The following SGO2 variants were observed in gnomAD, a reference collection of about 807,000 sequenced individuals.
SGO2 encodes shugoshin-like 2.
A neutral mutation model predicts 99.5 loss-of-function variants in SGO2; 68 were observed. That is an observed-to-expected ratio of 0.68 (90% CI 0.56 to 0.84). SGO2 has a LOEUF of 0.84. SGO2 is among the 40% of genes least tolerant of loss of function. The pLI is 0.00. For missense variants in SGO2, 1,350 were observed against 1,436.7 expected, an observed-to-expected ratio of 0.94 and a Z score of 0.97; for synonymous variants, 457 against 487.1, an observed-to-expected ratio of 0.94 and a Z score of 0.81.
intron 7 of SGO2, 42 bp from the exon 8 acceptor site, chr2:200,575,269 A>G (rs747016571): frequency 5.3e-6 from 7 of 1,331,416 alleles, no homozygotes; most frequent in Non-Finnish European, 7.2e-6. Flanking sequence ...GTATCTCTAT[A>G]TACTTTTTAA....
In SGO2 at chr2:200,570,184, A is replaced by C; in HGVS notation, c.703+292A>C. 1 of 364,386 alleles carries C rather than the reference A, an allele frequency of 2.7e-6. No individual in the cohort carries two copies. Among genetic ancestry groups the C allele is most frequent in the South Asian group, 1.2e-4 (1 of 8,632 alleles). 22.6% of individuals were successfully genotyped at this position (364,386 alleles called of 1,614,324 possible). A position where few individuals can be genotyped will look rare whatever the true frequency, so the allele number is the denominator to read the frequency against. ...TAGCTTATGATTTGAAAGATACCAT[A>C]TATTTACTTAGTTTTACCCTCTTTT... On this transcript the variant is annotated intron_variant, in intron 6 of 8. Coordinates refer to ENST00000357799, the MANE Select transcript of SGO2 (RefSeq NM_152524.6). The surrounding 1 kb of genome is among the most constrained non-coding windows in gnomAD (Gnocchi z 4.4).
chr2:200,541,321 A>G lies in SGO2; in HGVS notation c.388-1258A>G, dbSNP rs970451979. Reference sequence around the variant, plus strand: ...AATGGTCCTCTGCTTTGATCGTCCCAGGGTCAGGTACTAGGCAACCAGGGA... The same window carrying G: ...AATGGTCCTCTGCTTTGATCGTCCCGGGGTCAGGTACTAGGCAACCAGGGA... On this transcript the variant is annotated intron_variant, in intron 4 of 8. Transcript: ENST00000357799. Among the ~76,000 whole-genome samples the G allele has an allele frequency of 3.5e-4, 54 of 152,184 alleles. 1 individual carries two copies. Among genetic ancestry groups the G allele is most frequent in the African/African-American group, 1.2e-3 (48 of 41,446 alleles).
intron 4 of SGO2, among the ~76,000 whole-genome samples, chr2:200,541,458 G>A (rs778303400): frequency 6.6e-6 from 1 of 152,106 alleles, no homozygotes; most frequent in East Asian, 1.9e-4. Context: ...AATAGGCTCT[G>A]GCCTAAACCT....
rs1394231697 is a variant in SGO2 at position 200,563,400 on chromosome 2, G to A, written c.474-6263G>A. Among the ~76,000 whole-genome samples, 5 of 152,294 alleles carry A rather than the reference G, an allele frequency of 3.3e-5. No individual in the cohort carries two copies. In the East Asian group the frequency reaches 9.6e-4, roughly 29 times the overall value. ...TGTTGAACCAGCCTTGTATCCCAGG[G>A]ATGAAGCCAACTTGATCATGGTGGA... On this transcript the variant is annotated intron_variant, in intron 5 of 8. Coordinates refer to ENST00000357799, the MANE Select transcript of SGO2 (RefSeq NM_152524.6).
chr2:200,575,381 G>C lies in SGO2; in HGVS notation c.3702G>C (p.Lys1234Asn). ...VSNNTAESEN[K>N]SEDLSSERTS... ...ATAACACTGCTGAATCTGAAAATAAGTCAGAAGATCTATCTTCAGAACGGA... is the reference window on the plus strand; with the variant it reads ...ATAACACTGCTGAATCTGAAAATAACTCAGAAGATCTATCTTCAGAACGGA... The change falls in exon 8 of 9, where the codon AAG (lysine) becomes AAC (asparagine). Residue 1234 changes from lysine (K) to asparagine (N), a missense_variant. Coordinates refer to ENST00000357799, the MANE Select transcript of SGO2 (RefSeq NM_152524.6). 1 of 1,606,426 alleles carries C rather than the reference G, an allele frequency of 6.2e-7. No individual in the cohort carries two copies. The highest frequency in any genetic ancestry group is 8.5e-7 in the Non-Finnish European group (1 of 1,174,736).
chr2:200,554,612 T>C (rs2106326717), intron 5 of SGO2, among the ~76,000 whole-genome samples: 1 of 152,298 alleles, frequency 6.6e-6, no homozygotes, highest in East Asian at 1.9e-4. Context: ...CAATTTTACA[T>C]AACAGTTATA....
intron 5 of SGO2, among the ~76,000 whole-genome samples, chr2:200,545,039 C>T (rs1407729788): frequency 6.6e-6 from 1 of 152,136 alleles, no homozygotes; most frequent in African/African-American, 2.4e-5. Context: ...CAAGGTCTCA[C>T]TTTGTCACCC....
chr2:200,573,160 A>G lies in SGO2; in HGVS notation c.2814A>G (p.Thr938=), dbSNP rs1198576503. The change falls in exon 7 of 9, where the codon ACA becomes ACG. Residue 938 remains threonine, a synonymous_variant. Transcript: ENST00000357799. Reference sequence around the variant, plus strand: ...ATGCACATGTCCAAGAAAGCTATACAAAAGATCTTGATTTTAAAGTAAATA... The same window carrying G: ...ATGCACATGTCCAAGAAAGCTATACGAAAGATCTTGATTTTAAAGTAAATA... ...DKDAHVQESY[T]KDLDFKVNKS... 2 of 1,586,766 alleles carry G rather than the reference A, an allele frequency of 1.3e-6. No homozygotes were observed. Among genetic ancestry groups the G allele is most frequent in the Admixed American group, 3.8e-5 (2 of 52,064 alleles).
Position 200,571,436 on chromosome 2 carries a change from G to T in SGO2, c.1090G>T (p.Asp364Tyr), listed in dbSNP as rs755694136. The T allele has an allele frequency of 3.1e-6, 5 of 1,610,926 alleles. No homozygotes were observed. In the South Asian group the frequency reaches 3.3e-5, roughly 11 times the overall value. The change falls in exon 7 of 9, where the codon GAC (aspartate) becomes TAC (tyrosine). Residue 364 changes from aspartate (D) to tyrosine (Y), a missense_variant. Physicochemically the swap from Asp to Tyr is radical, Grantham distance 160. Transcript: ENST00000357799. Reference protein sequence around the residue: ...FQLQKTVYDADMDLTASEVSK... With the variant: ...FQLQKTVYDAYMDLTASEVSK... ...ATTGCAGAAAACTGTGTATGATGCT[G>T]ACATGGATTTAACTGCTAGTGAAGT...
Position 200,570,400 on chromosome 2 carries a change from G to GC in SGO2, c.703+510dup, listed in dbSNP as rs1290146916. ...GGTGTAGTCTGGTGCTTACAGATTTGCCATAGATTTTCAGACTGGGATATG... is the reference window on the plus strand; with the variant it reads ...GGTGTAGTCTGGTGCTTACAGATTTGCCCATAGATTTTCAGACTGGGATATG... On this transcript the variant is annotated intron_variant, in intron 6 of 8. Coordinates refer to ENST00000357799, the MANE Select transcript of SGO2 (RefSeq NM_152524.6). This position sits in a 1 kb window ranked among gnomAD's most constrained non-coding sequence, Gnocchi z 4.4. 2.6e-5 allele frequency among the ~76,000 whole-genome samples: 4 copies of GC among 151,058 alleles called. No individual in the cohort carries two copies. The highest frequency in any genetic ancestry group is 5.9e-5 in the Non-Finnish European group (4 of 67,698).
At position 200,532,981 on chromosome 2, in the gene SGO2, G is replaced by A. The variant is rs1388893343; in HGVS notation, c.6G>A (p.Glu2=). 7 of 1,607,298 alleles carry A rather than the reference G, an allele frequency of 4.4e-6. No homozygotes were observed. The highest frequency in any genetic ancestry group is 5.9e-6 in the Non-Finnish European group (7 of 1,178,172). The change falls in exon 2 of 9, where the codon GAG becomes GAA. Residue 2 remains glutamate (E), a synonymous_variant. Transcript: ENST00000357799. M[E]CPVMETGSLF... Reference sequence around the variant, plus strand: ...TTTTTTCTTTCACTTCAGTGATGGAGTGCCCAGTGATGGAAACTGGCTCAC... The same window carrying A: ...TTTTTTCTTTCACTTCAGTGATGGAATGCCCAGTGATGGAAACTGGCTCAC...
chr2:200,567,109 T>C (rs1162090192), intron 5 of SGO2, among the ~76,000 whole-genome samples: 1 of 152,194 alleles, frequency 6.6e-6, no homozygotes, highest in Admixed American at 6.5e-5. Flanking sequence ...CCCACTGAGA[T>C]GAACCTGGTA....
intron 5 of SGO2, among the ~76,000 whole-genome samples, chr2:200,564,754 T>C (rs1318395814): frequency 6.6e-6 from 1 of 152,124 alleles, no homozygotes; most frequent in South Asian, 2.1e-4. Context: ...CCTGTATTGG[T>C]TGCATATATA....
chr2:200,533,631 A>G (rs1461763525), intron 2 of SGO2, among the ~76,000 whole-genome samples: 1 of 151,582 alleles, frequency 6.6e-6, no homozygotes, highest in Non-Finnish European at 1.5e-5. Context: ...GAGTTAAGGC[A>G]TCAGAAGGGC....
At position 200,583,430 on chromosome 2, in the gene SGO2, CT is replaced by C; in HGVS notation, c.3783-12del. On this transcript the variant is annotated intron_variant, in intron 8 of 8. Transcript: ENST00000357799. Reference sequence around the variant, plus strand: ...TAATTTTGGGTTGTTATTAATCTTCCTTTTTTTCTACTTTGCAGCAAGATGA... The same window carrying C: ...TAATTTTGGGTTGTTATTAATCTTCCTTTTTTCTACTTTGCAGCAAGATGA... 18 of 1,573,968 alleles carry C rather than the reference CT, an allele frequency of 1.1e-5. No homozygotes were observed. The highest frequency in any genetic ancestry group is 3.7e-5 in the South Asian group (3 of 80,612).
intron 5 of SGO2, among the ~76,000 whole-genome samples, chr2:200,550,559 ATCT>A (rs1420690813): frequency 6.6e-6 from 1 of 152,136 alleles, no homozygotes; most frequent in African/African-American, 2.4e-5. Context: ...CAACCAACTC[ATCT>A]TCTGCAAAGG....
rs543696073 is a variant in SGO2 at position 200,562,882 on chromosome 2, T to C, written c.474-6781T>C. On this transcript the variant is annotated intron_variant, in intron 5 of 8. Transcript: ENST00000357799. ...TTTGTCTGTTATTGGTGTATAGGAA[T>C]GCTTGTGATTTTTGCACATTGATTT... Among the ~76,000 whole-genome samples, 7 of 152,340 alleles carry C rather than the reference T, an allele frequency of 4.6e-5. No homozygotes were observed. In the South Asian group the frequency reaches 1.2e-3, roughly 27 times the overall value.
In SGO2 at chr2:200,573,793, T is replaced by C. The variant is rs777131946; in HGVS notation, c.3447T>C (p.Asp1149=). The C allele has an allele frequency of 1.9e-6, 3 of 1,612,536 alleles. No homozygotes were observed. Among genetic ancestry groups the C allele is most frequent in the Admixed American group, 3.3e-5 (2 of 59,826 alleles). Residue 1149 remains aspartate, a synonymous_variant, in exon 7 of 9, where the codon GAT becomes GAC. Coordinates refer to ENST00000357799, the MANE Select transcript of SGO2 (RefSeq NM_152524.6). ...LSEIHSPNIQ[D]SSFDSVREGL... is the part of the protein sequence containing the mutation. ...AGATACATTCACCTAACATACAAGATTCTTCCTTTGACAGTGTTCGTGAAG... is the reference window on the plus strand; with the variant it reads ...AGATACATTCACCTAACATACAAGACTCTTCCTTTGACAGTGTTCGTGAAG...
At chr2:200,561,671 A>G (rs1559210751) in intron 5 of SGO2, among the ~76,000 whole-genome samples, 1 of 152,216 alleles carries the variant, frequency 6.6e-6, no homozygotes, top group Non-Finnish European at 1.5e-5. Context: ...TTACAGTCCC[A>G]CCAACAGTGT....
Sources: allele counts gnomAD v4.1 joint callset (sites outside exome capture counted in the v4.1 genomes callset), GRCh38; gene constraint gnomAD v4.1.1; non-coding constraint Gnocchi (gnomAD v3.1); transcripts MANE v1.5; gene names NCBI Gene and HGNC (gene_info 2026-07-23, HGNC 2026-07-21).